Variants in PHF14 observed in about 807,000 individuals in gnomAD.
PHF14 encodes the protein PHD finger protein 14.
In PHF14, 55 loss-of-function variants were observed where a neutral mutation model predicts 117.9. The ratio of observed to expected loss-of-function variants is 0.47; its 90% CI spans 0.38 to 0.58. The LOEUF is 0.58. Ranked by LOEUF, PHF14 falls within the 20% of genes least tolerant of loss-of-function variation. PHF14 has a pLI of 0.00. For missense variants in PHF14, 978 were observed against 1,122.2 expected (o/e 0.87, Z 1.84); for synonymous variants, 409 against 368.6 (o/e 1.11, Z -1.26).
intron 6 of PHF14, among the ~76,000 whole-genome samples, chr7:11,024,987 C>T (rs890465932): frequency 2.0e-5 from 3 of 152,152 alleles, no homozygotes; most frequent in Non-Finnish European, 4.4e-5. Context: ...AAAGGGGTCA[C>T]TTTTTTAGAT....
At chr7:10,989,914 G>A (rs570638447) in intron 3 of PHF14, among the ~76,000 whole-genome samples, 3 of 152,304 alleles carry the variant, frequency 2.0e-5, no homozygotes, top group Admixed American at 6.5e-5. Flanking sequence ...TTACCGGTGT[G>A]AGCCACTGTG....
rs181788362 is a variant in PHF14, at chr7:10,995,814, C to T, written c.1045+4967C>T. ...CCCAGGTGCTAAGCCCCTCACTGCC[C>T]GGGGCTGGCAGTGCCCGCCAAGCCC... On this transcript the variant is annotated intron_variant, in intron 4 of 17. Coordinates refer to ENST00000634607, the MANE Select transcript of PHF14 (RefSeq NM_001007157.2). 2.3e-3 allele frequency among the ~76,000 whole-genome samples: 344 copies of T among 152,286 alleles called. 1 individual carries two copies. Among genetic ancestry groups the T allele is most frequent in the Middle Eastern group, 6.8e-3 (2 of 294 alleles).
chr7:11,108,974 A>G (rs1162778968), intron 16 of PHF14: 1 of 151,838 alleles, frequency 6.6e-6, no homozygotes, highest in Admixed American at 6.6e-5. Context: ...GAAAATGTTA[A>G]TACTTCATCA....
At chr7:11,042,509 AAC>A (rs1210219701) in intron 12 of PHF14, among the ~76,000 whole-genome samples, 172 bp from the exon 13 acceptor site, 11 of 152,048 alleles carry the variant, frequency 7.2e-5, no homozygotes, top group African/African-American at 2.4e-4. Context: ...ATTTAGAACT[AAC>A]AGTTACTGAC....
intron 16 of PHF14, chr7:11,110,624 A>G (rs749613783): frequency 8.8e-4 from 491 of 556,192 alleles, no homozygotes; most frequent in Admixed American, 1.2e-3. Flanking sequence ...TTTTAAATGT[A>G]CTAGGAAGTA....
At chr7:11,010,645 T>TAC (rs980127554) in intron 4 of PHF14, among the ~76,000 whole-genome samples, 3 of 152,028 alleles carry the variant, frequency 2.0e-5, no homozygotes, top group South Asian at 2.1e-4. Context: ...CATATATATA[T>TAC]ACACACACAC....
chr7:10,998,463 C>A (rs1289868739), intron 4 of PHF14, among the ~76,000 whole-genome samples: 4 of 151,930 alleles, frequency 2.6e-5, no homozygotes, highest in Non-Finnish European at 5.9e-5. Flanking sequence ...TATACACACA[C>A]ATACACAGCA....
At chr7:11,016,542 T>C (rs144970405) in intron 5 of PHF14, among the ~76,000 whole-genome samples, 92 of 152,258 alleles carry the variant, frequency 6.0e-4, no homozygotes, top group Middle Eastern at 3.4e-3. Context: ...GTAAGACTTA[T>C]AAACCTGACT....
intron 16 of PHF14, chr7:11,103,696 G>T (rs1160153722): frequency 8.1e-6 from 8 of 984,174 alleles, no homozygotes; most frequent in Admixed American, 6.2e-5. Flanking sequence ...TAAACTTTAG[G>T]AATAGAGTAG....
intron 14 of PHF14, among the ~76,000 whole-genome samples, chr7:11,055,045 T>G (rs1230836640): frequency 6.6e-6 from 1 of 152,184 alleles, no homozygotes; most frequent in East Asian, 1.9e-4. Flanking sequence ...CACAGAAGAA[T>G]GGGTCCCATT....
Position 10,998,645 on chromosome 7 carries a change from A to G in PHF14, c.1045+7798A>G, listed in dbSNP as rs1472222990. 2.6e-5 allele frequency among the ~76,000 whole-genome samples: 4 copies of G among 152,176 alleles called. No individual in the cohort carries two copies. In the East Asian group the frequency reaches 7.7e-4, roughly 29 times the overall value. On this transcript the variant is annotated intron_variant, in intron 4 of 17. Coordinates refer to ENST00000634607, the MANE Select transcript of PHF14 (RefSeq NM_001007157.2). ...GTGGTTCAGATTCCTGGGAGTAGGT[A>G]AAGAATATGTTAACTCAGGAGTAGC...
intron 4 of PHF14, among the ~76,000 whole-genome samples, chr7:11,005,287 TC>T (rs1245804613): frequency 6.6e-6 from 1 of 152,184 alleles, no homozygotes; most frequent in Admixed American, 6.5e-5. Flanking sequence ...CAATTCTAAT[TC>T]CTCCTACATT....
intron 2 of PHF14, among the ~76,000 whole-genome samples, chr7:10,977,956 A>G (rs1781922846): frequency 6.6e-6 from 1 of 152,216 alleles, no homozygotes; most frequent in Non-Finnish European, 1.5e-5. Flanking sequence ...AAGAATGTTT[A>G]CATCTTTTTA....
chr7:11,068,051 A>G (rs1785481664), intron 16 of PHF14, among the ~76,000 whole-genome samples: 1 of 152,142 alleles, frequency 6.6e-6, no homozygotes, highest in African/African-American at 2.4e-5. Flanking sequence ...TCCAGCCTTA[A>G]AAAGGAATGA....
chr7:11,156,007 C>T lies in PHF14; in HGVS notation c.2773-13409C>T, dbSNP rs192680585. Among the ~76,000 whole-genome samples the T allele has an allele frequency of 7.9e-5, 12 of 152,296 alleles. No homozygotes were observed. The East Asian group carries it at 2.1e-3, about 27-fold the overall frequency. ...GCTAATAGGTAATAGAAACCATTGG[C>T]TAAATGAATGCATTTTCAGACAAGC... On this transcript the variant is annotated intron_variant, in intron 17 of 17. Transcript: ENST00000634607.
chr7:11,099,771 TA>T (rs1382577720), intron 16 of PHF14, among the ~76,000 whole-genome samples: 4 of 152,120 alleles, frequency 2.6e-5, no homozygotes, highest in African/African-American at 9.7e-5. Context: ...TTAAGTTATG[TA>T]ACTTTTATAA....
rs185639972 is a variant in PHF14 at position 11,126,741 on chromosome 7, C to T, written c.2772+15274C>T. Among the ~76,000 whole-genome samples the T allele has an allele frequency of 8.4e-4, 124 of 147,908 alleles. 1 individual carries two copies. Among genetic ancestry groups the T allele is most frequent in the Non-Finnish European group, 1.0e-4 (7 of 67,188 alleles). On this transcript the variant is annotated intron_variant, in intron 17 of 17. Transcript: ENST00000634607. ...CCCTAATAGGGTAAAATACAGTTAGCTGTATTTTTTTAACCTCCTCATAGC... is the reference window on the plus strand; with the variant it reads ...CCCTAATAGGGTAAAATACAGTTAGTTGTATTTTTTTAACCTCCTCATAGC...
rs146459612 is a variant in PHF14, at chr7:11,039,521, A to G, written c.2076+666A>G. Among the ~76,000 whole-genome samples the G allele has an allele frequency of 7.1e-3, 1,075 of 152,274 alleles. 11 individuals carry two copies. Among genetic ancestry groups the G allele is most frequent in the African/African-American group, 0.024 (1,017 of 41,574 alleles). On this transcript the variant is annotated intron_variant, in intron 11 of 17. Transcript: ENST00000634607. ...ACTGTGTATATAATTGATAAATTACAGTTTTCGCAAATATTTTTTATTTTT... is the reference window on the plus strand; with the variant it reads ...ACTGTGTATATAATTGATAAATTACGGTTTTCGCAAATATTTTTTATTTTT...
intron 16 of PHF14, among the ~76,000 whole-genome samples, chr7:11,071,679 C>T (rs1785616858): frequency 6.6e-6 from 1 of 152,110 alleles, no homozygotes; most frequent in Non-Finnish European, 1.5e-5. Context: ...CATTCATAGC[C>T]CCCATTTCCA....
Sources: allele counts gnomAD v4.1 joint callset (sites outside exome capture counted in the v4.1 genomes callset), GRCh38; gene constraint gnomAD v4.1.1; transcripts MANE v1.5; gene names NCBI Gene and HGNC (gene_info 2026-07-23, HGNC 2026-07-21).